IFTAP: variants seen among roughly 807,000 people sequenced by gnomAD.
IFTAP encodes intraflagellar transport-associated protein.
Under a neutral mutation model 19.4 loss-of-function variants are expected in IFTAP, and 19 were observed. The observed-to-expected ratio is 0.98, with a 90% CI of 0.68 to 1.44. The LOEUF (loss-of-function observed/expected upper bound fraction) is 1.44. Among genes scored for constraint, IFTAP ranks in the 40% most tolerant of loss-of-function variants. The pLI is 0.00. For missense variants in IFTAP, 240 were observed against 253.6 expected (o/e 0.95, Z 0.36); for synonymous variants, 85 against 83.5 (o/e 1.02, Z -0.10).
At chr11:36,658,546 A>G (rs1255864903) in intron 5 of IFTAP, among the ~76,000 whole-genome samples, 1 of 152,192 alleles carries the variant, frequency 6.6e-6, no homozygotes, top group Non-Finnish European at 1.5e-5. Flanking sequence ...CTGAAGAAGT[A>G]TATTCAATGT....
intron 5 of IFTAP, among the ~76,000 whole-genome samples, chr11:36,656,127 C>CTCAGGG: frequency 6.6e-6 from 1 of 152,120 alleles, no homozygotes; most frequent in African/African-American, 2.4e-5. Flanking sequence ...TATCTATAAC[C>CTCAGGG]AACTTGGCCG....
intron 4 of IFTAP, among the ~76,000 whole-genome samples, chr11:36,644,621 T>C (rs2133499557): frequency 6.6e-6 from 1 of 152,130 alleles, no homozygotes. Context: ...AATGATAGAC[T>C]GGATTAAGAA....
chr11:36,635,158 C>G (rs1305358752), intron 3 of IFTAP, among the ~76,000 whole-genome samples: 3 of 152,084 alleles, frequency 2.0e-5, no homozygotes, highest in Non-Finnish European at 4.4e-5. Flanking sequence ...CCCAGCCTGT[C>G]TTTTGAATTC....
At chr11:36,606,128 GA>G (rs1851683383) in intron 1 of IFTAP, among the ~76,000 whole-genome samples, 1 of 152,186 alleles carries the variant, frequency 6.6e-6, no homozygotes. Context: ...CTTCAATAAT[GA>G]CAGTTTGTGA....
intron 1 of IFTAP, chr11:36,598,343 G>A (rs945172392): frequency 6.6e-6 from 1 of 152,078 alleles, no homozygotes; most frequent in African/African-American, 2.4e-5. Context: ...TACCCAACAG[G>A]GTGTACCCTC....
chr11:36,607,617 G>T (rs1031479379), intron 1 of IFTAP, among the ~76,000 whole-genome samples: 3 of 151,432 alleles, frequency 2.0e-5, no homozygotes, highest in African/African-American at 7.3e-5. Flanking sequence ...TGAGCTTTTT[G>T]GTATTTTGGA....
intron 5 of IFTAP, among the ~76,000 whole-genome samples, chr11:36,649,618 A>C (rs1202816275): frequency 6.6e-6 from 1 of 152,118 alleles, no homozygotes; most frequent in Non-Finnish European, 1.5e-5. Flanking sequence ...TAATGGGTTA[A>C]AAAAACTGAA....
chr11:36,654,590 A>G (rs758642956), intron 5 of IFTAP, among the ~76,000 whole-genome samples: 11 of 152,046 alleles, frequency 7.2e-5, no homozygotes, highest in Non-Finnish European at 1.6e-4. Flanking sequence ...TTCCCAGCCT[A>G]CATACTTGAA....
At chr11:36,656,591 G>A (rs774732612) in intron 5 of IFTAP, among the ~76,000 whole-genome samples, 3 of 151,854 alleles carry the variant, frequency 2.0e-5, no homozygotes, top group Non-Finnish European at 2.9e-5. Context: ...AGAAGAGTAA[G>A]TGAAGCTTCT....
chr11:36,595,819 T>C (rs1406174370), intron 1 of IFTAP, among the ~76,000 whole-genome samples: 7 of 152,234 alleles, frequency 4.6e-5, no homozygotes, highest in African/African-American at 1.7e-4. Context: ...CTGCCAGTAA[T>C]GGCAGTTGAT....
chr11:36,651,496 G>C (rs998780647), intron 5 of IFTAP, among the ~76,000 whole-genome samples: 3 of 152,134 alleles, frequency 2.0e-5, no homozygotes, highest in East Asian at 1.9e-4. Flanking sequence ...CTCCCATTCT[G>C]TAGGTTGCCT....
At chr11:36,600,943 A>G (rs553729612) in intron 1 of IFTAP, among the ~76,000 whole-genome samples, 1 of 152,316 alleles carries the variant, frequency 6.6e-6, no homozygotes, top group South Asian at 2.1e-4. Context: ...AGGATCAGAA[A>G]AGTTTACATA....
intron 5 of IFTAP, among the ~76,000 whole-genome samples, chr11:36,656,541 G>T (rs999931922): frequency 6.6e-6 from 1 of 151,894 alleles, no homozygotes; most frequent in African/African-American, 2.4e-5. Context: ...CTGCACTCCT[G>T]CCTGGGTGAC....
intron 5 of IFTAP, among the ~76,000 whole-genome samples, chr11:36,652,779 T>C (rs1853801763): frequency 6.6e-6 from 1 of 152,206 alleles, no homozygotes; most frequent in South Asian, 2.1e-4. Context: ...TTGAATTTTG[T>C]CAAAGGCCTT....
At chr11:36,653,770 A>T (rs1216221635) in intron 5 of IFTAP, among the ~76,000 whole-genome samples, 4 of 152,158 alleles carry the variant, frequency 2.6e-5, no homozygotes, top group Non-Finnish European at 1.5e-5. Flanking sequence ...ATGTCATCAT[A>T]AGCTTATGTA....
chr11:36,636,252 TA>T, intron 4 of IFTAP, 135 bp downstream of exon 4: 1 of 660,506 alleles, frequency 1.5e-6, no homozygotes, highest in Non-Finnish European at 2.6e-6. Flanking sequence ...AGTTGTGAGC[TA>T]TTTTTTTCAG....
In IFTAP at chr11:36,601,933, C is replaced by T. The variant is rs577210538; in HGVS notation, c.-24+7341C>T. Among the ~76,000 whole-genome samples, 26 of 152,210 alleles carry T rather than the reference C, an allele frequency of 1.7e-4. No individual in the cohort carries two copies. In the East Asian group the frequency reaches 3.3e-3, roughly 19 times the overall value. ...TTCCCAAGTGCTGGGGTTACAGGCA[C>T]GAACTGTGCACCTGGCCTGATTCTT... On this transcript the variant is annotated intron_variant, in intron 1 of 5. Coordinates refer to ENST00000334307, the MANE Select transcript of IFTAP (RefSeq NM_138787.4).
At chr11:36,595,387 T>C (rs1851175162) in intron 1 of IFTAP, 1 of 152,258 alleles carries the variant, frequency 6.6e-6, no homozygotes, top group Non-Finnish European at 1.5e-5. Context: ...TTCTATTTTA[T>C]TATTGTTTAC....
intron 5 of IFTAP, among the ~76,000 whole-genome samples, chr11:36,653,694 C>T (rs967811378): frequency 6.6e-6 from 1 of 152,102 alleles, no homozygotes; most frequent in Admixed American, 6.6e-5. Flanking sequence ...TGCGGTATGC[C>T]CCTACCTGGG....
Sources: allele counts gnomAD v4.1 joint callset (sites outside exome capture counted in the v4.1 genomes callset), GRCh38; gene constraint gnomAD v4.1.1; transcripts MANE v1.5; gene names NCBI Gene and HGNC (gene_info 2026-07-23, HGNC 2026-07-21).